UACA: variants seen among roughly 807,000 people sequenced by gnomAD.
UACA encodes the protein uveal autoantigen with coiled-coil domains and ankyrin repeats.
In UACA, 112 loss-of-function variants were observed where a neutral mutation model predicts 160.5. The observed-to-expected ratio is 0.70, with a 90% confidence interval of 0.60 to 0.82. UACA has a LOEUF of 0.82. Ranked by LOEUF, UACA falls within the 40% of genes least tolerant of loss-of-function variation. The pLI is 0.00. For missense variants in UACA, 1,574 were observed against 1,614.6 expected, an observed-to-expected ratio of 0.97 and a Z score of 0.43; for synonymous variants, 557 against 568.4, an observed-to-expected ratio of 0.98 and a Z score of 0.29.
intron 2 of UACA, among the ~76,000 whole-genome samples, chr15:70,697,665 ACACTTGAC>A (rs1479761199): frequency 6.6e-6 from 1 of 152,248 alleles, no homozygotes; most frequent in Non-Finnish European, 1.5e-5. Context: ...AACATGTCCC[ACACTTGAC>A]TAAATACAAC....
chr15:70,763,398 G>C lies in UACA; in HGVS notation c.10C>G (p.Leu4Val). The change falls in exon 1 of 19, where the codon CTC becomes GTC. Residue 4 changes from leucine (L) to valine (V), a missense_variant. Leu to Val is a conservative substitution (Grantham distance 32, BLOSUM62 1). Coordinates refer to ENST00000322954, the MANE Select transcript of UACA (RefSeq NM_018003.4). Reference sequence around the variant, plus strand: ...TCCTGCCTCCTCAGGCGGGACTTGAGGCTCTTCATGGCTAACTCTTGCCTG... The same window carrying C: ...TCCTGCCTCCTCAGGCGGGACTTGACGCTCTTCATGGCTAACTCTTGCCTG... The part of the protein sequence containing the change: MKS[L>V]KSRLRRQDVP... 5 of 1,320,756 alleles carry C rather than the reference G, an allele frequency of 3.8e-6. No individual in the cohort carries two copies. Among genetic ancestry groups the C allele is most frequent in the Non-Finnish European group, 4.9e-6 (5 of 1,027,394 alleles). The allele number at this position is 1,320,756 out of a possible 1,614,324, so 81.8% of individuals were successfully genotyped here. A position where few individuals can be genotyped will look rare whatever the true frequency, so the allele number is the denominator to read the frequency against.
chr15:70,756,186 T>TA (rs1555417936), intron 1 of UACA, among the ~76,000 whole-genome samples: 1 of 151,360 alleles, frequency 6.6e-6, no homozygotes, highest in African/African-American at 2.4e-5. Flanking sequence ...TTTTTTTTTT[T>TA]GATGGAGTCT....
At chr15:70,708,459 ACTAT>A (rs932698868) in intron 1 of UACA, among the ~76,000 whole-genome samples, 37 of 151,130 alleles carry the variant, frequency 2.4e-4, no homozygotes, top group Middle Eastern at 6.8e-3. Flanking sequence ...CTCTCACAAT[ACTAT>A]CTTTTTTTTT....
At chr15:70,755,360 TTCAAGG>T (rs2141015335) in intron 1 of UACA, among the ~76,000 whole-genome samples, 2 of 151,896 alleles carry the variant, frequency 1.3e-5, no homozygotes, top group South Asian at 4.2e-4. Flanking sequence ...TAAATTTTAA[TTCAAGG>T]TTTAAAAAAA....
At chr15:70,716,598 G>A (rs1208503437) in intron 1 of UACA, among the ~76,000 whole-genome samples, 1 of 152,060 alleles carries the variant, frequency 6.6e-6, no homozygotes, top group African/African-American at 2.4e-5. Context: ...ATAGATATAA[G>A]AGCAGCCAAA....
chr15:70,671,412 TATA>T (rs1897136421), intron 14 of UACA: 2 of 182,404 alleles, frequency 1.1e-5, no homozygotes, highest in Admixed American at 6.0e-5. Flanking sequence ...ACATATATCT[TATA>T]ATCAATCAAA....
chr15:70,698,373 A>G (rs543468433), intron 2 of UACA, among the ~76,000 whole-genome samples: 26 of 152,208 alleles, frequency 1.7e-4, no homozygotes, highest in Admixed American at 3.3e-4. Context: ...ATGAAGAACA[A>G]TATCACTTTT....
intron 1 of UACA, among the ~76,000 whole-genome samples, chr15:70,739,205 G>C (rs768775275): frequency 6.6e-6 from 1 of 152,134 alleles, no homozygotes; most frequent in African/African-American, 2.4e-5. Flanking sequence ...ATGCACAAAG[G>C]ATAAAAACTA....
chr15:70,763,328 A>C lies in UACA; in HGVS notation c.78+2T>G. 7.5e-7 allele frequency: 1 copy of C among 1,333,954 alleles called. No individual in the cohort carries two copies. Among genetic ancestry groups the C allele is most frequent in the Non-Finnish European group, 9.6e-7 (1 of 1,036,892 alleles). 82.6% of individuals were successfully genotyped at this position (1,333,954 alleles called of 1,614,324 possible). The stretch of plus-strand genomic sequence containing the variant: ...CCTCGCAGCCCGGACCGCGGGACTC[A>C]CCGCGCTGGCGGCGGCGGCGCCAGA... On this transcript the variant is annotated splice_donor_variant, in intron 1 of 18. Coordinates refer to ENST00000322954, the MANE Select transcript of UACA (RefSeq NM_018003.4). LOFTEE classifies it high-confidence loss of function.
chr15:70,687,472 T>G, intron 7 of UACA, 68 bp downstream of exon 7: 1 of 1,453,432 alleles, frequency 6.9e-7, no homozygotes, highest in Non-Finnish European at 9.6e-7. Context: ...ACAGAGCTGC[T>G]GCTTTGACTT....
At chr15:70,703,374 C>T (rs1333030539) in intron 1 of UACA, 6 of 876,810 alleles carry the variant, frequency 6.8e-6, no homozygotes, top group South Asian at 1.8e-5. Context: ...TATGTACTTC[C>T]ACAAGAAATC....
intron 17 of UACA, 46 bp downstream of exon 17, chr15:70,664,616 G>A: frequency 6.4e-7 from 1 of 1,570,754 alleles, no homozygotes; most frequent in Non-Finnish European, 8.6e-7. Flanking sequence ...TAACTACAGG[G>A]AGCCAGCACA....
chr15:70,718,323 A>ACT (rs1491099807), intron 1 of UACA, among the ~76,000 whole-genome samples: 4 of 15,626 alleles, frequency 2.6e-4, no homozygotes, highest in East Asian at 2.4e-3. Flanking sequence ...AGAGAGAGAG[A>ACT]ATGTGTGTGT....
At chr15:70,707,050 T>C (rs551576780) in intron 1 of UACA, among the ~76,000 whole-genome samples, 10 of 152,302 alleles carry the variant, frequency 6.6e-5, no homozygotes, top group African/African-American at 2.2e-4. Flanking sequence ...TATGAAGCTA[T>C]AGTAATCAAA....
the UACA span, among the ~76,000 whole-genome samples, chr15:70,777,672 A>G: frequency 1.1e-4 from 16 of 152,324 alleles, no homozygotes; most frequent in South Asian, 1.2e-3. Context: ...TGCATTTAGC[A>G]TGATGGAAGC....
intron 1 of UACA, among the ~76,000 whole-genome samples, chr15:70,721,379 A>T (rs187610625): frequency 1.7e-3 from 266 of 152,226 alleles, no homozygotes; most frequent in Admixed American, 0.013. Context: ...TAATCCCAGC[A>T]CTCTGGGAGG....
chr15:70,775,726 C>A, the UACA span, among the ~76,000 whole-genome samples: 6 of 152,168 alleles, frequency 3.9e-5, no homozygotes, highest in Admixed American at 3.3e-4. Flanking sequence ...AGAGTGGTCA[C>A]TTCCTGTGTT....
intron 1 of UACA, among the ~76,000 whole-genome samples, chr15:70,752,631 G>C (rs1303016465): frequency 6.6e-6 from 1 of 151,476 alleles, no homozygotes; most frequent in East Asian, 1.9e-4. Flanking sequence ...AATTAAACAA[G>C]AGTCAATGAG....
chr15:70,677,175 T>C, intron 11 of UACA, 35 bp from the exon 12 acceptor site: 2 of 1,529,604 alleles, frequency 1.3e-6, no homozygotes, highest in Admixed American at 1.8e-5. Context: ...ATTTTAATTC[T>C]TAAAAGCCTA....
Sources: allele counts gnomAD v4.1 joint callset (sites outside exome capture counted in the v4.1 genomes callset), GRCh38; gene constraint gnomAD v4.1.1; transcripts MANE v1.5; gene names NCBI Gene and HGNC (gene_info 2026-07-23, HGNC 2026-07-21).